VWA8: variants seen among roughly 807,000 people sequenced by gnomAD.
The protein encoded by VWA8 is von Willebrand factor A domain containing 8, also known as von Willebrand factor A domain-containing protein 8.
In VWA8, 221 loss-of-function variants were observed where a neutral mutation model predicts 241.5. The observed-to-expected ratio is 0.91, with a 90% confidence interval of 0.82 to 1.02. VWA8 has a LOEUF of 1.02. VWA8 is among the 50% of genes least tolerant of loss of function. The pLI is 0.00. For synonymous variants in VWA8, 852 were observed against 827.1 expected (o/e 1.03, Z -0.52); for missense variants, 2,322 against 2,328.7 (o/e 1.00, Z 0.06).
At position 41,571,844 on chromosome 13, in the gene VWA8, G is replaced by A. The variant is rs543760239; in HGVS notation, c.5371-1138C>T. 6.8e-3 allele frequency among the ~76,000 whole-genome samples: 1,036 copies of A among 151,762 alleles called. 12 individuals are homozygous for A. The highest frequency in any genetic ancestry group is 0.024 in the African/African-American group (988 of 41,332). On this transcript the variant is annotated intron_variant, in intron 43 of 44. Coordinates refer to ENST00000379310, the MANE Select transcript of VWA8 (RefSeq NM_015058.2). ...ATGTGAGGAGCCCCTCCGACTGGCC[G>A]CCCAGTCTGGGAAGTGAGGGGCGCC...
chr13:41,609,186 C>T (rs936962837), intron 39 of VWA8, among the ~76,000 whole-genome samples: 2 of 152,084 alleles, frequency 1.3e-5, no homozygotes, highest in African/African-American at 2.4e-5. Context: ...GGAGAGACAA[C>T]CAATTATTCA....
At chr13:41,630,972 C>A (rs1040074254) in intron 37 of VWA8, among the ~76,000 whole-genome samples, 9 of 152,148 alleles carry the variant, frequency 5.9e-5, no homozygotes, top group Admixed American at 1.3e-4. Flanking sequence ...GCTCTGCCTG[C>A]CAGCCCATAA....
chr13:41,854,104 T>C (rs1435214728), intron 12 of VWA8, among the ~76,000 whole-genome samples: 4 of 152,208 alleles, frequency 2.6e-5, no homozygotes, highest in African/African-American at 9.6e-5. Context: ...TGTTAGTATG[T>C]TTGTTAGCTT....
rs143330485 is a variant in VWA8 at position 41,631,071 on chromosome 13, G to A, written c.4612-15987C>T. On this transcript the variant is annotated intron_variant, in intron 37 of 44. Coordinates refer to ENST00000379310, the MANE Select transcript of VWA8 (RefSeq NM_015058.2). ...GTCTCACTCTGTCACTCAGGCTGGAGTGCAGTGGTGCGATCATGGCTCACT... is the reference window on the plus strand; with the variant it reads ...GTCTCACTCTGTCACTCAGGCTGGAATGCAGTGGTGCGATCATGGCTCACT... Among the ~76,000 whole-genome samples the A allele has an allele frequency of 8.7e-4, 132 of 152,236 alleles. 1 individual carries two copies. The highest frequency in any genetic ancestry group is 3.0e-3 in the African/African-American group (125 of 41,544).
intron 2 of VWA8, among the ~76,000 whole-genome samples, chr13:41,930,665 T>A (rs1443724058): frequency 3.3e-5 from 5 of 152,100 alleles, no homozygotes; most frequent in Non-Finnish European, 7.4e-5. Flanking sequence ...TTACTAAGCA[T>A]CCCCAAGGGA....
At chr13:41,868,187 T>C (rs1873397944) in intron 10 of VWA8, among the ~76,000 whole-genome samples, 159 bp downstream of exon 10, 1 of 152,168 alleles carries the variant, frequency 6.6e-6, no homozygotes. Flanking sequence ...TTTTCCAGTT[T>C]ATAAGCACAC....
At chr13:41,863,848 A>G (rs1423846457) in intron 12 of VWA8, among the ~76,000 whole-genome samples, 1 of 152,096 alleles carries the variant, frequency 6.6e-6, no homozygotes, top group Admixed American at 6.6e-5. Flanking sequence ...ACTATCAGAT[A>G]CTATGTTTAA....
intron 26 of VWA8, among the ~76,000 whole-genome samples, chr13:41,716,269 A>G (rs771844962): frequency 6.6e-5 from 10 of 152,068 alleles, no homozygotes; most frequent in African/African-American, 1.9e-4. Context: ...GTCTAAAAAT[A>G]CCAGGTTTAG....
chr13:41,678,785 C>A (rs1198731803), intron 35 of VWA8, among the ~76,000 whole-genome samples: 1 of 151,922 alleles, frequency 6.6e-6, no homozygotes, highest in Non-Finnish European at 1.5e-5. Context: ...AAGTAGAAAG[C>A]AAGAATTTTA....
rs9532941 is a variant in VWA8 at position 41,866,407 on chromosome 13, A to G, written c.1213-371T>C. On this transcript the variant is annotated intron_variant, in intron 10 of 44. Coordinates refer to ENST00000379310, the MANE Select transcript of VWA8 (RefSeq NM_015058.2). ...TGTGTGTGCGCGTGTGTGTGTGTAT[A>G]TGTGTGTGTGTGTGTGTAAAACATG... 3.7e-3 allele frequency among the ~76,000 whole-genome samples: 549 copies of G among 149,328 alleles called. 2 individuals are homozygous for G. Among genetic ancestry groups the G allele is most frequent in the African/African-American group, 0.011 (457 of 40,746 alleles).
chr13:41,578,215 C>T, intron 42 of VWA8, among the ~76,000 whole-genome samples: 1 of 152,112 alleles, frequency 6.6e-6, no homozygotes. Context: ...TAAGGAAAGA[C>T]CAGCCTTTGT....
At chr13:41,902,595 TAAATAC>T (rs1427942467) in intron 4 of VWA8, among the ~76,000 whole-genome samples, 4 of 152,200 alleles carry the variant, frequency 2.6e-5, no homozygotes, top group African/African-American at 9.7e-5. Context: ...TATTTGTTAA[TAAATAC>T]AAATATTATA....
intron 4 of VWA8, among the ~76,000 whole-genome samples, chr13:41,898,957 C>A (rs1176598393): frequency 6.6e-6 from 1 of 152,218 alleles, no homozygotes; most frequent in Non-Finnish European, 1.5e-5. Context: ...CCGCTCGCGC[C>A]TCTTCCTCCA....
chr13:41,869,102 C>A (rs968678938), intron 9 of VWA8, among the ~76,000 whole-genome samples: 2 of 151,992 alleles, frequency 1.3e-5, no homozygotes, highest in African/African-American at 2.4e-5. Context: ...AATCAACTTC[C>A]TAGAAGGAGA....
At position 41,703,229 on chromosome 13, in the gene VWA8, G is replaced by T. The variant is rs1364358881; in HGVS notation, c.3225+74C>A. The T allele has an allele frequency of 5.1e-6, 6 of 1,168,874 alleles. No homozygotes were observed. The East Asian group carries it at 1.5e-4, about 29-fold the overall frequency. The allele number at this position is 1,168,874 out of a possible 1,614,324, so 72.4% of individuals were successfully genotyped here. On this transcript the variant is annotated intron_variant, in intron 27 of 44. Transcript: ENST00000379310. Reference sequence around the variant, plus strand: ...GAACAAATCATTTCTGAGATTGTTTGAATTATCTCCAGGGAAGATACAGCA... The same window carrying T: ...GAACAAATCATTTCTGAGATTGTTTTAATTATCTCCAGGGAAGATACAGCA...
rs1185042181 is a variant in VWA8 at position 41,816,303 on chromosome 13, C to A, written c.1947+395G>T. On this transcript the variant is annotated intron_variant, in intron 16 of 44. Coordinates refer to ENST00000379310, the MANE Select transcript of VWA8 (RefSeq NM_015058.2). ...GACAGCCCTCTATCTTTCTAACATG[C>A]CATCTGGGAATGGAAATACAAGTCA... Among the ~76,000 whole-genome samples, 4 of 152,042 alleles carry A rather than the reference C, an allele frequency of 2.6e-5. No individual in the cohort carries two copies. The East Asian group carries it at 7.7e-4, about 29-fold the overall frequency.
chr13:41,571,181 A>T (rs542764804), intron 43 of VWA8, among the ~76,000 whole-genome samples: 10 of 152,256 alleles, frequency 6.6e-5, no homozygotes, highest in Admixed American at 6.5e-4. Flanking sequence ...TAAGTGTGTG[A>T]AATGAATTAC....
intron 2 of VWA8, among the ~76,000 whole-genome samples, chr13:41,946,553 G>A (rs552979559): frequency 1.3e-5 from 2 of 151,966 alleles, no homozygotes; most frequent in Admixed American, 6.6e-5. Context: ...CATTGGAGTA[G>A]TTTATATACT....
At chr13:41,905,448 A>G (rs1302685413) in intron 4 of VWA8, among the ~76,000 whole-genome samples, 1 of 152,108 alleles carries the variant, frequency 6.6e-6, no homozygotes, top group East Asian at 1.9e-4. Context: ...CTATAAAATT[A>G]TATCTGATAA....
Sources: gnomAD v4.1 joint callset for allele counts (sites outside exome capture counted in the v4.1 genomes callset) on GRCh38, gnomAD v4.1.1 for gene constraint, MANE v1.5 for transcripts, NCBI Gene and HGNC (gene_info 2026-07-23, HGNC 2026-07-21) for gene names.